FAM184A: variants seen among roughly 807,000 people sequenced by gnomAD.
FAM184A encodes the protein family with sequence similarity 184 member A.
In FAM184A, 99 loss-of-function variants were observed where a neutral mutation model predicts 143.8. That is an observed-to-expected ratio of 0.69 (90% confidence interval 0.58 to 0.81). FAM184A has a LOEUF of 0.81. Among genes scored for constraint, FAM184A ranks in the 40% least tolerant of loss-of-function variants. FAM184A has a pLI of 0.00. For missense variants in FAM184A, 1,217 were observed against 1,310.5 expected, an observed-to-expected ratio of 0.93 and a Z score of 1.10; for synonymous variants, 427 against 446.4, an observed-to-expected ratio of 0.96 and a Z score of 0.55.
chr6:119,131,377 T>C (rs1789530025), intron 1 of FAM184A, among the ~76,000 whole-genome samples: 1 of 152,228 alleles, frequency 6.6e-6, no homozygotes, highest in Admixed American at 6.5e-5. Flanking sequence ...GATTCCTCTC[T>C]TTAAGCTTTT....
At chr6:119,124,445 C>T (rs1789303378) in intron 1 of FAM184A, among the ~76,000 whole-genome samples, 2 of 152,042 alleles carry the variant, frequency 1.3e-5, no homozygotes, top group South Asian at 4.1e-4. Flanking sequence ...TATAACTATC[C>T]CATTGGCTTT....
At chr6:118,971,335 CT>C (rs1204797178) in intron 14 of FAM184A, among the ~76,000 whole-genome samples, 1 of 152,188 alleles carries the variant, frequency 6.6e-6, no homozygotes, top group African/African-American at 2.4e-5. Context: ...CGGAGTGCTT[CT>C]TTTCAATTGG....
chr6:119,080,703 CA>C, upstream of FAM184A, among the ~76,000 whole-genome samples: 1 of 152,264 alleles, frequency 6.6e-6, no homozygotes, highest in Non-Finnish European at 1.5e-5. Context: ...CAAAATGTTC[CA>C]ATGAGCAGTT....
chr6:119,056,264 T>A (rs904993093), intron 1 of FAM184A, among the ~76,000 whole-genome samples: 6 of 152,210 alleles, frequency 3.9e-5, no homozygotes, highest in Non-Finnish European at 1.5e-5. Flanking sequence ...AATGCTAGAT[T>A]GAGACAAGAA....
At chr6:119,065,405 C>T (rs1787410243) in intron 1 of FAM184A, among the ~76,000 whole-genome samples, 1 of 152,206 alleles carries the variant, frequency 6.6e-6, no homozygotes, top group African/African-American at 2.4e-5. Context: ...CGAGCCAGAA[C>T]CACTCAGTTA....
At chr6:119,132,173 G>C (rs1891541) in intron 1 of FAM184A, among the ~76,000 whole-genome samples, 53,760 of 152,084 alleles carry the variant, frequency 0.35, 11,873 homozygotes, top group Non-Finnish European at 0.47. Flanking sequence ...GCCAAATTCT[G>C]TGTAGGTTTT....
intron 14 of FAM184A, 69 bp downstream of exon 14, chr6:118,974,359 T>G: frequency 7.1e-7 from 1 of 1,407,316 alleles, no homozygotes; most frequent in Non-Finnish European, 9.6e-7. Context: ...TAACAGCTAA[T>G]CTGAGGTTAA....
intron 1 of FAM184A, among the ~76,000 whole-genome samples, chr6:119,102,813 G>T (rs368329149): frequency 0.017 from 1,931 of 116,266 alleles, 21 homozygotes; most frequent in South Asian, 0.033. Flanking sequence ...AAAAAGAAAA[G>T]AAAAAAGAAA....
intron 14 of FAM184A, among the ~76,000 whole-genome samples, chr6:118,970,152 T>C (rs1396690576): frequency 6.7e-6 from 1 of 149,634 alleles, no homozygotes; most frequent in Non-Finnish European, 1.5e-5. Context: ...TACAAGTGTC[T>C]GCCACCACAC....
chr6:119,045,897 A>G (rs1308631797), intron 1 of FAM184A, among the ~76,000 whole-genome samples: 2 of 152,174 alleles, frequency 1.3e-5, no homozygotes, highest in African/African-American at 4.8e-5. Context: ...ATTACTAGTG[A>G]TCTCCCTGGA....
At chr6:119,011,832 G>A (rs1337277120) in intron 5 of FAM184A, among the ~76,000 whole-genome samples, 1 of 152,128 alleles carries the variant, frequency 6.6e-6, no homozygotes, top group Admixed American at 6.6e-5. Context: ...GAACACAGTA[G>A]AGAATGAGCA....
chr6:119,053,018 G>A (rs767559993), intron 1 of FAM184A, among the ~76,000 whole-genome samples: 4 of 152,162 alleles, frequency 2.6e-5, no homozygotes, highest in Non-Finnish European at 5.9e-5. Flanking sequence ...GCACTGTGGA[G>A]GATGTATTAG....
intron 1 of FAM184A, among the ~76,000 whole-genome samples, chr6:119,036,142 G>T (rs1786104413): frequency 6.6e-6 from 1 of 151,784 alleles, no homozygotes. Flanking sequence ...AATAGAATGG[G>T]AACAAATGCT....
chr6:119,078,261 G>A lies in FAM184A; in HGVS notation c.39C>T (p.Tyr13=), dbSNP rs1787951656. ...GCGCGAATTTGGCCGCCGAGCCGCC[G>A]TAATAGTGCTGCTGCCAGCTCATGC... ...TPGMSWQQHY[Y]GGSAAKFAPS... The change falls in exon 1 of 18, where the codon TAC becomes TAT. Residue 13 remains tyrosine, a synonymous_variant. Transcript: ENST00000338891. This position sits in a 1 kb window ranked among gnomAD's most constrained non-coding sequence, Gnocchi z 5.5. The A allele has an allele frequency of 6.5e-7, 1 of 1,534,834 alleles. No homozygotes were observed. The highest frequency in any genetic ancestry group is 8.7e-7 in the Non-Finnish European group (1 of 1,144,556).
At chr6:119,063,639 T>A (rs771466189) in intron 1 of FAM184A, among the ~76,000 whole-genome samples, 1 of 152,166 alleles carries the variant, frequency 6.6e-6, no homozygotes. Context: ...AAATCTAGTA[T>A]CAACCTCTTG....
chr6:119,093,851 G>A (rs371990830), intron 1 of FAM184A, among the ~76,000 whole-genome samples: 8 of 152,228 alleles, frequency 5.3e-5, no homozygotes, highest in African/African-American at 1.9e-4. Context: ...TCAAAGCTGT[G>A]ACTTTAGCAT....
At chr6:118,998,220 A>G (rs537240226) in intron 9 of FAM184A, among the ~76,000 whole-genome samples, 1 of 152,336 alleles carries the variant, frequency 6.6e-6, no homozygotes, top group East Asian at 1.9e-4. Flanking sequence ...CTTCTACCAA[A>G]GCAGATGATT....
At chr6:119,077,855 A>C (rs1351857814) in intron 1 of FAM184A, among the ~76,000 whole-genome samples, 1 of 152,258 alleles carries the variant, frequency 6.6e-6, no homozygotes, top group African/African-American at 2.4e-5. Context: ...AGTATTGTGA[A>C]ATAAAGGAAC....
At chr6:119,037,797 A>G (rs1440225814) in intron 1 of FAM184A, among the ~76,000 whole-genome samples, 1 of 152,206 alleles carries the variant, frequency 6.6e-6, no homozygotes, top group African/African-American at 2.4e-5. Context: ...TAGAAAATCA[A>G]CAAGCAAGAA....
Sources: gnomAD v4.1 joint callset for allele counts (sites outside exome capture counted in the v4.1 genomes callset) on GRCh38, gnomAD v4.1.1 for gene constraint, Gnocchi (gnomAD v3.1) non-coding constraint, MANE v1.5 for transcripts, NCBI Gene and HGNC (gene_info 2026-07-23, HGNC 2026-07-21) for gene names.